Variants in ABCB5 observed in about 807,000 individuals in gnomAD.
The protein encoded by ABCB5 is ATP binding cassette subfamily B member 5.
A neutral mutation model predicts 144.2 loss-of-function variants in ABCB5; 155 were observed. The ratio of observed to expected loss-of-function variants is 1.08; its 90% CI spans 0.94 to 1.23. The LOEUF is 1.23. Ranked by LOEUF, ABCB5 falls within the 50% of genes most tolerant of loss-of-function variation. The pLI is 0.00. For synonymous variants in ABCB5, 610 were observed against 528.6 expected, an observed-to-expected ratio of 1.15 and a Z score of -2.11; for missense variants, 1,830 against 1,520.8, an observed-to-expected ratio of 1.20 and a Z score of -3.38.
chr7:20,629,920 G>C (rs1425573378), intron 4 of ABCB5, among the ~76,000 whole-genome samples: 1 of 152,144 alleles, frequency 6.6e-6, no homozygotes, highest in African/African-American at 2.4e-5. Flanking sequence ...AAGAGAAGCA[G>C]AAAATTATAC....
chr7:20,656,677 T>A (rs929745936), intron 13 of ABCB5, among the ~76,000 whole-genome samples: 2 of 137,992 alleles, frequency 1.4e-5, no homozygotes, highest in Admixed American at 1.4e-4. Flanking sequence ...ATCAGTATAA[T>A]CATTCTAGAA....
At chr7:20,666,588 G>A (rs1052099006) in intron 14 of ABCB5, among the ~76,000 whole-genome samples, 5 of 152,164 alleles carry the variant, frequency 3.3e-5, no homozygotes, top group Admixed American at 1.3e-4. Context: ...GTATGGCTGT[G>A]CATGGAATTG....
chr7:20,656,912 C>CTTTTTTTTT (rs749816471), intron 13 of ABCB5, among the ~76,000 whole-genome samples: 4 of 58,578 alleles, frequency 6.8e-5, no homozygotes, highest in South Asian at 5.3e-4. Flanking sequence ...TTTCCTTTTT[C>CTTTTTTTTT]TTTTTTTTTT....
intron 16 of ABCB5, among the ~76,000 whole-genome samples, chr7:20,691,361 C>CA (rs1307244428): frequency 6.6e-5 from 10 of 151,246 alleles, no homozygotes; most frequent in Admixed American, 4.0e-4. Context: ...AGCAAAGAAC[C>CA]GGAGAGGAGA....
At chr7:20,715,379 G>T (rs1283856867) in intron 20 of ABCB5, among the ~76,000 whole-genome samples, 1 of 151,894 alleles carries the variant, frequency 6.6e-6, no homozygotes, top group African/African-American at 2.4e-5. Flanking sequence ...TTGCTTTAAT[G>T]TCTAGAGCTG....
chr7:20,752,189 C>A (rs1782952238), intron 26 of ABCB5, among the ~76,000 whole-genome samples: 2 of 152,170 alleles, frequency 1.3e-5, no homozygotes. Context: ...CTGGCTATAC[C>A]CTTGGACCAG....
chr7:20,638,286 A>T (rs1784208967), intron 5 of ABCB5, among the ~76,000 whole-genome samples: 1 of 152,208 alleles, frequency 6.6e-6, no homozygotes, highest in East Asian at 1.9e-4. Context: ...TGTTTATATT[A>T]TAGTATATTT....
At chr7:20,745,987 G>C (rs1014791113) in intron 26 of ABCB5, among the ~76,000 whole-genome samples, 13 of 152,200 alleles carry the variant, frequency 8.5e-5, no homozygotes, top group African/African-American at 2.9e-4. Flanking sequence ...CAGCTGAGCT[G>C]GTCTCTCCTG....
At chr7:20,726,997 AT>A in intron 21 of ABCB5, 42 bp from the exon 22 acceptor site, 1 of 1,400,368 alleles carries the variant, frequency 7.1e-7, no homozygotes, top group Non-Finnish European at 9.9e-7. Flanking sequence ...AAGATTAACC[AT>A]TACTAATTTT....
At chr7:20,683,608 G>A (rs532005899) in intron 15 of ABCB5, among the ~76,000 whole-genome samples, 2 of 152,184 alleles carry the variant, frequency 1.3e-5, no homozygotes, top group East Asian at 3.9e-4. Flanking sequence ...GTGTGTTTGT[G>A]GGATGAGTGT....
chr7:20,711,812 C>T (rs1215618933), intron 20 of ABCB5, among the ~76,000 whole-genome samples: 1 of 49,088 alleles, frequency 2.0e-5, no homozygotes, highest in African/African-American at 1.9e-4. Context: ...TTCTTTCTTT[C>T]TTTCTTTCTT....
intron 14 of ABCB5, among the ~76,000 whole-genome samples, chr7:20,671,782 A>G (rs577684071): frequency 5.9e-5 from 9 of 152,346 alleles, no homozygotes; most frequent in African/African-American, 2.2e-4. Context: ...AGCTGTTCTA[A>G]ACATTCATAT....
chr7:20,728,286 C>G (rs1250900630), intron 22 of ABCB5, 29 bp from the exon 23 acceptor site: 1 of 1,609,686 alleles, frequency 6.2e-7, no homozygotes, highest in Non-Finnish European at 8.5e-7. Context: ...ATTCATGCCT[C>G]ATTATTTGGT....
At chr7:20,752,631 G>A (rs1485006441) in intron 26 of ABCB5, among the ~76,000 whole-genome samples, 1 of 152,162 alleles carries the variant, frequency 6.6e-6, no homozygotes, top group African/African-American at 2.4e-5. Flanking sequence ...GGTGGATCAC[G>A]AGGTCAGGAA....
rs549201494 is a variant in ABCB5, at chr7:20,712,404, C to A, written c.2421+7597C>A. Reference sequence around the variant, plus strand: ...TCACTGAAATTCTTAGATTTATGGGCTTATAGTTTTCACCAAATTTTAAAA... The same window carrying A: ...TCACTGAAATTCTTAGATTTATGGGATTATAGTTTTCACCAAATTTTAAAA... On this transcript the variant is annotated intron_variant, in intron 20 of 27. Transcript: ENST00000404938. Among the ~76,000 whole-genome samples, 4 of 148,930 alleles carry A rather than the reference C, an allele frequency of 2.7e-5. No homozygotes were observed. The East Asian group carries it at 8.0e-4, about 30-fold the overall frequency.
At chr7:20,713,639 A>T (rs966418911) in intron 20 of ABCB5, among the ~76,000 whole-genome samples, 10 of 149,706 alleles carry the variant, frequency 6.7e-5, no homozygotes, top group Admixed American at 6.7e-5. Context: ...TGTGGAATAC[A>T]GTTAAGTTAC....
At chr7:20,632,963 T>A (rs1449474675) in intron 5 of ABCB5, among the ~76,000 whole-genome samples, 1 of 151,846 alleles carries the variant, frequency 6.6e-6, no homozygotes, top group Non-Finnish European at 1.5e-5. Context: ...TATACATATG[T>A]AACTAACCTG....
At chr7:20,740,995 C>T (rs920280913) in intron 24 of ABCB5, among the ~76,000 whole-genome samples, 4 of 150,724 alleles carry the variant, frequency 2.7e-5, no homozygotes, top group African/African-American at 7.3e-5. Context: ...CCCAGCTGCT[C>T]GGGAGGCCGA....
Position 20,660,341 on chromosome 7 carries a change from G to C in ABCB5, c.1707+1665G>C. The C allele has an allele frequency of 3.0e-6, 3 of 985,310 alleles. No individual in the cohort carries two copies. The South Asian group carries it at 1.4e-4, about 46-fold the overall frequency. The allele number at this position is 985,310 out of a possible 1,614,324, so 61.0% of individuals were successfully genotyped here. On this transcript the variant is annotated intron_variant, in intron 14 of 27. Transcript: ENST00000404938. ...AACTTATTTCAAAAATTCATTTACTGTCCCTGTTTTTCAGTTGTTTAAAGG... is the reference window on the plus strand; with the variant it reads ...AACTTATTTCAAAAATTCATTTACTCTCCCTGTTTTTCAGTTGTTTAAAGG...
Sources: gnomAD v4.1 joint callset for allele counts (sites outside exome capture counted in the v4.1 genomes callset) on GRCh38, gnomAD v4.1.1 for gene constraint, MANE v1.5 for transcripts, NCBI Gene and HGNC (gene_info 2026-07-23, HGNC 2026-07-21) for gene names.